The following SNRPA1 variants were observed in gnomAD, a reference collection of about 807,000 sequenced individuals.
The protein encoded by SNRPA1 is U2 small nuclear ribonucleoprotein A'.
A neutral mutation model predicts 32.3 loss-of-function variants in SNRPA1; 5 were observed. The ratio of observed to expected loss-of-function variants is 0.15; its 90% CI spans 0.08 to 0.33. The LOEUF (loss-of-function observed/expected upper bound fraction) is 0.33, where lower values mean the gene tolerates loss of function less well. Ranked by LOEUF, SNRPA1 falls within the 10% of genes least tolerant of loss-of-function variation. The probability of loss-of-function intolerance (pLI) is 1.00; values close to 1 mark genes in which losing one functional copy is unlikely to be tolerated. For missense variants in SNRPA1, 198 were observed against 311.1 expected, an observed-to-expected ratio of 0.64 and a Z score of 2.74; for synonymous variants, 111 against 120.1, an observed-to-expected ratio of 0.92 and a Z score of 0.50.
chr15:101,284,718 T>C (rs977785370), intron 8 of SNRPA1: 5 of 332,382 alleles, frequency 1.5e-5, no homozygotes, highest in Non-Finnish European at 2.4e-5. Flanking sequence ...GTCAGGCTGG[T>C]CTCGAACTCC....
Position 101,281,711 on chromosome 15 carries a change from T to A in SNRPA1, c.*13A>T. 6.3e-7 allele frequency: 1 copy of A among 1,596,476 alleles called. No homozygotes were observed. The highest frequency in any genetic ancestry group is 1.1e-5 in the South Asian group (1 of 90,748). On this transcript the variant is annotated 3_prime_UTR_variant, in exon 9 of 9. Transcript: ENST00000254193. ...TTCCAAGAGGGCCTATTATTATACATCTGCCTCACTGCTCAGGACCCGTTT... is the reference window on the plus strand; with the variant it reads ...TTCCAAGAGGGCCTATTATTATACAACTGCCTCACTGCTCAGGACCCGTTT...
At chr15:101,282,650 C>T (rs955916566) in intron 8 of SNRPA1, among the ~76,000 whole-genome samples, 10 of 152,174 alleles carry the variant, frequency 6.6e-5, no homozygotes, top group South Asian at 2.1e-4. Flanking sequence ...TACATGATTT[C>T]GTATCATTTG....
At chr15:101,286,116 C>A in intron 6 of SNRPA1, 98 bp downstream of exon 6, 1 of 956,632 alleles carries the variant, frequency 1.0e-6, no homozygotes, top group South Asian at 1.5e-5. Flanking sequence ...ATTAATATGT[C>A]AGAGTTTTTG....
At chr15:101,285,871 G>T in intron 6 of SNRPA1, 70 bp from the exon 7 acceptor site, 1 of 1,183,390 alleles carries the variant, frequency 8.5e-7, no homozygotes, top group Non-Finnish European at 1.3e-6. Context: ...ACTTTCAAAA[G>T]CTTTTGAAAG....
At chr15:101,290,497 A>G (rs2039511063) in intron 3 of SNRPA1, among the ~76,000 whole-genome samples, 2 of 152,176 alleles carry the variant, frequency 1.3e-5, no homozygotes. Context: ...CCTTGTCCAC[A>G]AGGAAAGGAA....
At chr15:101,284,868 C>G in intron 8 of SNRPA1, 99 bp downstream of exon 8, 1 of 843,662 alleles carries the variant, frequency 1.2e-6, no homozygotes, top group Non-Finnish European at 2.0e-6. Context: ...TGTAAGGAGG[C>G]ACTACTCTGG....
chr15:101,294,867 C>T (rs1054039129), intron 1 of SNRPA1: 1 of 427,476 alleles, frequency 2.3e-6, no homozygotes, highest in East Asian at 3.6e-5. Flanking sequence ...ATGAAGTCAC[C>T]CGTGCCTGTC....
chr15:101,282,845 T>G (rs1482671254), intron 8 of SNRPA1, among the ~76,000 whole-genome samples: 1 of 152,170 alleles, frequency 6.6e-6, no homozygotes, highest in Non-Finnish European at 1.5e-5. Context: ...AAATTTTAAT[T>G]TTTGCTTTAA....
At chr15:101,285,144 A>C in intron 7 of SNRPA1, 84 bp from the exon 8 acceptor site, 1 of 868,868 alleles carries the variant, frequency 1.2e-6, no homozygotes, top group South Asian at 1.3e-5. Flanking sequence ...AATCACCTAC[A>C]GAAATTCACA....
Position 101,285,012 on chromosome 15 carries a change from C to T in SNRPA1, c.664G>A (p.Gly222Arg), listed in dbSNP as rs1463642202. 6.2e-7 allele frequency: 1 copy of T among 1,614,054 alleles called. No homozygotes were observed. Among genetic ancestry groups the T allele is most frequent in the Admixed American group, 1.7e-5 (1 of 60,010 alleles). Residue 222 changes from glycine to arginine, a missense_variant, in exon 8 of 9, where the codon GGG (glycine) becomes AGG (arginine). Gly to Arg is a moderately radical substitution (Grantham distance 125). Around this residue, in one of 3 missense-constraint regions of SNRPA1, gnomAD observed 77 missense variants for 120.1 expected, o/e 0.64. Coordinates refer to ENST00000254193, the MANE Select transcript of SNRPA1 (RefSeq NM_003090.4). The part of the protein sequence containing the change: ...STLAEVERLK[G>R]LLQSGQIPGR... Reference sequence around the variant, plus strand: ...GGGATCTGACCAGACTGCAGCAACCCCTTCAGCCTCTCCACTTCAGCCAGA... The same window carrying T: ...GGGATCTGACCAGACTGCAGCAACCTCTTCAGCCTCTCCACTTCAGCCAGA...
rs1404929833 is a variant in SNRPA1, at chr15:101,295,166, T to C, written c.13A>G (p.Thr5Ala). ...GCCGCCTGCTCGATCAGCTCCGCCGTCAGCTTGACCATCCTGCAGCCTCCC... is the reference window on the plus strand; with the variant it reads ...GCCGCCTGCTCGATCAGCTCCGCCGCCAGCTTGACCATCCTGCAGCCTCCC... Reference protein sequence around the residue: MVKLTAELIEQAAQY... With the variant: MVKLAAELIEQAAQY... Residue 5 changes from threonine (T) to alanine (A), a missense_variant, in exon 1 of 9, where the codon ACG (threonine) becomes GCG (alanine). Thr to Ala is a moderately conservative substitution (Grantham distance 58, BLOSUM62 0). This residue lies in a region of SNRPA1 where 119 missense variants were observed against 171.6 expected (regional missense o/e 0.69). Coordinates refer to ENST00000254193, the MANE Select transcript of SNRPA1 (RefSeq NM_003090.4). 1.9e-6 allele frequency: 3 copies of C among 1,554,484 alleles called. No individual in the cohort carries two copies. Among genetic ancestry groups the C allele is most frequent in the East Asian group, 5.2e-5 (2 of 38,798 alleles).
chr15:101,291,506 C>T (rs898259276), intron 3 of SNRPA1, among the ~76,000 whole-genome samples: 2 of 142,308 alleles, frequency 1.4e-5, no homozygotes, highest in African/African-American at 5.5e-5. Context: ...AAAAAAATTA[C>T]TGAGATAGTT....
In SNRPA1 at chr15:101,286,232, A is replaced by G. The variant is rs1413812521; in HGVS notation, c.521T>C (p.Ile174Thr). The G allele has an allele frequency of 1.2e-6, 2 of 1,614,110 alleles. No individual in the cohort carries two copies. Among genetic ancestry groups the G allele is most frequent in the Non-Finnish European group, 1.7e-6 (2 of 1,179,970 alleles). The part of the protein sequence containing the change: ...GKRGAQLAKD[I>T]ARRSKTFNPG... Reference sequence around the variant, plus strand: ...GTCTTACGTTTTGCTTCTCCTGGCAATATCCTTTGCAAGCTGTGCACCCCG... The same window carrying G: ...GTCTTACGTTTTGCTTCTCCTGGCAGTATCCTTTGCAAGCTGTGCACCCCG... Residue 174 changes from isoleucine (I) to threonine (T), a missense_variant, in exon 6 of 9, where the codon ATT becomes ACT. Physicochemically the swap from Ile to Thr is moderately conservative, Grantham distance 89 (BLOSUM62 -1). This residue lies in a region of SNRPA1 where 77 missense variants were observed against 120.1 expected (regional missense o/e 0.64). Coordinates refer to ENST00000254193, the MANE Select transcript of SNRPA1 (RefSeq NM_003090.4).
intron 8 of SNRPA1, among the ~76,000 whole-genome samples, chr15:101,282,532 G>A (rs1275254475): frequency 6.6e-6 from 1 of 152,188 alleles, no homozygotes; most frequent in Admixed American, 6.5e-5. Flanking sequence ...CTTGACAAAT[G>A]GTAGCTTCCT....
intron 4 of SNRPA1, 35 bp from the exon 5 acceptor site, chr15:101,287,045 T>C: frequency 8.7e-7 from 1 of 1,150,870 alleles, no homozygotes; most frequent in Non-Finnish European, 1.3e-6. Context: ...GGCAAACTTG[T>C]TCATGGCACA....
Position 101,281,777 on chromosome 15 carries a change from T to TG in SNRPA1, c.714dup (p.Thr239HisfsTer2). 6.2e-7 allele frequency: 1 copy of TG among 1,614,054 alleles called. No homozygotes were observed. Reference sequence around the variant, plus strand: ...TCCATCTCTTCTTCACCATCATCAGTGGGCCCTAAAGAAAACCACCAAAGC... The same window carrying TG: ...TCCATCTCTTCTTCACCATCATCAGTGGGGCCCTAAAGAAAACCACCAAAGC... On this transcript the variant is annotated frameshift_variant, in exon 9 of 9. Coordinates refer to ENST00000254193, the MANE Select transcript of SNRPA1 (RefSeq NM_003090.4). LOFTEE classifies it high-confidence loss of function.
At chr15:101,289,347 G>C (rs911851594) in intron 3 of SNRPA1, among the ~76,000 whole-genome samples, 1 of 152,204 alleles carries the variant, frequency 6.6e-6, no homozygotes. Flanking sequence ...TCATGGTACA[G>C]TGATCTTAAC....
chr15:101,285,899 T>A, intron 6 of SNRPA1, 98 bp from the exon 7 acceptor site: 2 of 863,492 alleles, frequency 2.3e-6, no homozygotes, highest in East Asian at 2.5e-5. Flanking sequence ...ACCAGTGTAG[T>A]ATCTTATCTT....
chr15:101,284,319 G>A (rs138160066), intron 8 of SNRPA1, among the ~76,000 whole-genome samples: 118 of 152,236 alleles, frequency 7.8e-4, no homozygotes, highest in Non-Finnish European at 1.2e-3. Flanking sequence ...TTTGGGCCTC[G>A]GACTGCTTGG....
Sources: gnomAD v4.1 joint callset for allele counts (sites outside exome capture counted in the v4.1 genomes callset) on GRCh38, gnomAD v4.1.1 for gene constraint, gnomAD v4.1.1 regional missense constraint, MANE v1.5 for transcripts, NCBI Gene and HGNC (gene_info 2026-07-23, HGNC 2026-07-21) for gene names.